Variants in AOAH observed in about 807,000 individuals in gnomAD.
AOAH encodes acyloxyacyl hydrolase (neutrophil).
Under a neutral mutation model 92.2 loss-of-function variants are expected in AOAH, and 64 were observed. The ratio of observed to expected loss-of-function variants is 0.69; its 90% CI spans 0.57 to 0.86. The LOEUF (loss-of-function observed/expected upper bound fraction) is 0.86, where lower values mean the gene tolerates loss of function less well. Among genes scored for constraint, AOAH ranks in the 40% least tolerant of loss-of-function variants. The pLI, the probability that AOAH is intolerant of heterozygous loss-of-function variation, is 0.00. For synonymous variants in AOAH, 263 were observed against 254.5 expected, an observed-to-expected ratio of 1.03 and a Z score of -0.32; for missense variants, 656 against 694.6, an observed-to-expected ratio of 0.94 and a Z score of 0.62.
chr7:36,640,213 A>G lies in AOAH; in HGVS notation c.391-2303T>C, dbSNP rs375091157. On this transcript the variant is annotated intron_variant, in intron 4 of 20. Coordinates refer to ENST00000617537, the MANE Select transcript of AOAH (RefSeq NM_001637.4). ...GTCCAAGAGTGGGAACAGAGTCCTG[A>G]TCCCAGATGGACATCCAGACTCACC... is the stretch of plus-strand genomic sequence containing the variant. 9.9e-5 allele frequency among the ~76,000 whole-genome samples: 15 copies of G among 152,196 alleles called. No homozygotes were observed. The East Asian group carries it at 1.7e-3, about 18-fold the overall frequency.
intron 6 of AOAH, among the ~76,000 whole-genome samples, chr7:36,624,399 T>C (rs1189724884): frequency 6.6e-6 from 1 of 152,204 alleles, no homozygotes; most frequent in Non-Finnish European, 1.5e-5. Flanking sequence ...CCCAAGACCA[T>C]GCAGAGCCTA....
rs373091950 is a variant in AOAH, at chr7:36,652,056, G to T, written c.390+7110C>A. Among the ~76,000 whole-genome samples the T allele has an allele frequency of 1.6e-4, 25 of 152,256 alleles. 1 individual carries two copies. The highest frequency in any genetic ancestry group is 9.2e-4 in the Admixed American group (14 of 15,282). On this transcript the variant is annotated intron_variant, in intron 4 of 20. Transcript: ENST00000617537. ...TGGGCATACCTAGCACCCAGATCTT[G>T]GTTTCCAAATACCATTTTCCAGTAA...
At chr7:36,612,152 C>T (rs1791504050) in intron 11 of AOAH, among the ~76,000 whole-genome samples, 1 of 149,730 alleles carries the variant, frequency 6.7e-6, no homozygotes, top group Non-Finnish European at 1.5e-5. Flanking sequence ...ACACATAATA[C>T]AAATTCAGTG....
chr7:36,674,231 CA>C (rs1258818194), intron 2 of AOAH, among the ~76,000 whole-genome samples: 1 of 152,134 alleles, frequency 6.6e-6, no homozygotes, highest in Non-Finnish European at 1.5e-5. Flanking sequence ...TAAAGATAAC[CA>C]ATTTATTCTA....
chr7:36,534,535 G>A (rs949242679), intron 16 of AOAH, among the ~76,000 whole-genome samples: 1 of 152,246 alleles, frequency 6.6e-6, no homozygotes, highest in Non-Finnish European at 1.5e-5. Context: ...GGCTAGGGGT[G>A]CTTGCGATGG....
At chr7:36,526,534 T>C (rs1044553451) in intron 19 of AOAH, among the ~76,000 whole-genome samples, 1 of 152,270 alleles carries the variant, frequency 6.6e-6, no homozygotes, top group Non-Finnish European at 1.5e-5. Context: ...CATTCAAAGA[T>C]AACATGGTAA....
At chr7:36,668,136 C>T (rs1795662223) in intron 3 of AOAH, among the ~76,000 whole-genome samples, 1 of 152,074 alleles carries the variant, frequency 6.6e-6, no homozygotes, top group African/African-American at 2.4e-5. Context: ...TTGTTTTCTA[C>T]TCTTTTTCAT....
chr7:36,696,576 A>G (rs1264277791), intron 1 of AOAH, among the ~76,000 whole-genome samples: 4 of 152,210 alleles, frequency 2.6e-5, no homozygotes, highest in East Asian at 3.8e-4. Context: ...TAAATAAAAA[A>G]TCAAGCCAGG....
At chr7:36,678,023 T>C (rs1214904801) in intron 2 of AOAH, among the ~76,000 whole-genome samples, 2 of 152,224 alleles carry the variant, frequency 1.3e-5, no homozygotes, top group East Asian at 3.8e-4. Flanking sequence ...TAAAATTGAT[T>C]GTGGTGACTG....
intron 4 of AOAH, among the ~76,000 whole-genome samples, chr7:36,645,630 C>G (rs1418015824): frequency 7.2e-5 from 11 of 152,104 alleles, no homozygotes; most frequent in Admixed American, 7.2e-4. Context: ...CTGCTGTATC[C>G]TACAGTGGCA....
rs1463832075 is a variant in AOAH, at chr7:36,516,130, CAG to C, written c.1600-2752_1600-2751del. Among the ~76,000 whole-genome samples the C allele has an allele frequency of 2.0e-5, 3 of 149,466 alleles. No homozygotes were observed. The highest frequency in any genetic ancestry group is 7.4e-5 in the African/African-American group (3 of 40,574). ...AGATACATCACACACACACCACACA[CAG>C]ATACACCACACACATCTCACACACA... On this transcript the variant is annotated intron_variant, in intron 20 of 20. Coordinates refer to ENST00000617537, the MANE Select transcript of AOAH (RefSeq NM_001637.4). The surrounding 1 kb of genome is among the most constrained non-coding windows in gnomAD (Gnocchi z 5.0).
intron 8 of AOAH, among the ~76,000 whole-genome samples, chr7:36,621,324 C>T (rs935026142): frequency 3.9e-5 from 6 of 152,186 alleles, no homozygotes; most frequent in African/African-American, 4.8e-5. Flanking sequence ...TCCTTACTCC[C>T]GGAGGGAGAG....
intron 11 of AOAH, among the ~76,000 whole-genome samples, chr7:36,597,511 T>C (rs960970992): frequency 6.6e-6 from 1 of 152,198 alleles, no homozygotes; most frequent in African/African-American, 2.4e-5. Flanking sequence ...TTAGCAGAGA[T>C]AGTGAGTAAG....
intron 12 of AOAH, among the ~76,000 whole-genome samples, chr7:36,591,628 G>A (rs1044713469): frequency 6.6e-6 from 1 of 152,218 alleles, no homozygotes; most frequent in Non-Finnish European, 1.5e-5. Context: ...AGGATGATGG[G>A]TAAAAACTGC....
In AOAH at chr7:36,634,762, T is replaced by C. The variant is rs1793403478; in HGVS notation, c.451-2656A>G. On this transcript the variant is annotated intron_variant, in intron 5 of 20. Coordinates refer to ENST00000617537, the MANE Select transcript of AOAH (RefSeq NM_001637.4). ...TAGTCTGAAGGCCTTGGTCTAATTC[T>C]CCTAACAACAGTCTAGATTTTAACA... 3.3e-5 allele frequency among the ~76,000 whole-genome samples: 5 copies of C among 152,354 alleles called. No homozygotes were observed. In the South Asian group the frequency reaches 1.0e-3, roughly 32 times the overall value.
chr7:36,631,725 T>G (rs573521639), intron 6 of AOAH, among the ~76,000 whole-genome samples: 1 of 152,188 alleles, frequency 6.6e-6, no homozygotes, highest in Non-Finnish European at 1.5e-5. Flanking sequence ...AGGGGCTGTT[T>G]CCAGGTGTAG....
chr7:36,685,992 G>A (rs1562695854), intron 2 of AOAH, among the ~76,000 whole-genome samples: 2 of 151,962 alleles, frequency 1.3e-5, no homozygotes, highest in Admixed American at 1.3e-4. Context: ...AAAAAATAAT[G>A]TAGGCACCCT....
intron 11 of AOAH, among the ~76,000 whole-genome samples, chr7:36,601,857 G>T (rs17479862): frequency 6.6e-6 from 1 of 152,116 alleles, no homozygotes; most frequent in Non-Finnish European, 1.5e-5. Context: ...TGCTAACACC[G>T]CATGCAAAAC....
chr7:36,588,627 T>A (rs1789520187), intron 12 of AOAH, among the ~76,000 whole-genome samples: 1 of 152,190 alleles, frequency 6.6e-6, no homozygotes, highest in Admixed American at 6.5e-5. Context: ...TAGCTGCAAT[T>A]CCCTACTCTC....
Sources: gnomAD v4.1 joint callset for allele counts (sites outside exome capture counted in the v4.1 genomes callset) on GRCh38, gnomAD v4.1.1 for gene constraint, Gnocchi (gnomAD v3.1) non-coding constraint, MANE v1.5 for transcripts, NCBI Gene and HGNC (gene_info 2026-07-23, HGNC 2026-07-21) for gene names.